Variants in COL9A1 observed in about 807,000 individuals in gnomAD.
The protein encoded by COL9A1 is collagen type IX alpha 1 chain.
COL9A1 carries 104 observed loss-of-function variants against 142.6 expected under a neutral mutation model. The observed-to-expected ratio is 0.73, with a 90% confidence interval of 0.62 to 0.86. The LOEUF is 0.86. COL9A1 is among the 40% of genes least tolerant of loss of function. The pLI is 0.00. For missense variants in COL9A1, 1,210 were observed against 1,176.6 expected (o/e 1.03, Z -0.42); for synonymous variants, 466 against 396.0 (o/e 1.18, Z -2.10).
Position 70,269,736 on chromosome 6 carries a change from G to T in COL9A1, c.1198-71C>A, listed in dbSNP as rs1772269787. The T allele has an allele frequency of 1.2e-5, 11 of 914,474 alleles. 1 individual carries two copies. In the South Asian group the frequency reaches 1.4e-4, roughly 11 times the overall value. 56.6% of individuals were successfully genotyped at this position (914,474 alleles called of 1,614,324 possible). A position where few individuals can be genotyped will look rare whatever the true frequency, so the allele number is the denominator to read the frequency against. ...AATTCAAACATACTAATACTAGAAAGCTCATCAGGCAAAAGTATAAAATAT... is the reference window on the plus strand; with the variant it reads ...AATTCAAACATACTAATACTAGAAATCTCATCAGGCAAAAGTATAAAATAT... On this transcript the variant is annotated intron_variant, in intron 15 of 37. Transcript: ENST00000357250.
intron 36 of COL9A1, among the ~76,000 whole-genome samples, chr6:70,229,174 G>T (rs932316867): frequency 1.3e-5 from 2 of 152,090 alleles, no homozygotes; most frequent in Non-Finnish European, 2.9e-5. Context: ...TTTAAGATGA[G>T]CTCCAAAACA....
In COL9A1 at chr6:70,294,558, A is replaced by G. The variant is rs767821510; in HGVS notation, c.305T>C (p.Leu102Ser). 13 of 1,613,904 alleles carry G rather than the reference A, an allele frequency of 8.1e-6. No individual in the cohort carries two copies. Among genetic ancestry groups the G allele is most frequent in the Non-Finnish European group, 1.0e-5 (12 of 1,179,856 alleles). Residue 102 changes from leucine to serine, a missense_variant, in exon 5 of 38, where the codon TTA becomes TCA. Leu to Ser is a moderately radical substitution (Grantham distance 145). Transcript: ENST00000357250. ...TTCTTCAGGCAGTCCACTGGGATAT[A>G]AATTCCTGAGTAAAATTTTTAAATA... ...NVDFRIPTRN[L>S]YPSGLPEEYS...
At chr6:70,239,361 T>C in intron 32 of COL9A1, 75 bp from the exon 33 acceptor site, 1 of 1,026,664 alleles carries the variant, frequency 9.7e-7, no homozygotes, top group Non-Finnish European at 1.5e-6. Flanking sequence ...CTTTAAAAGT[T>C]ATTGTGCTAC....
intron 25 of COL9A1, among the ~76,000 whole-genome samples, chr6:70,254,179 C>T (rs1771122928): frequency 6.6e-6 from 1 of 152,132 alleles, no homozygotes; most frequent in Non-Finnish European, 1.5e-5. Flanking sequence ...AAATATATCA[C>T]ACTGGCCTAC....
intron 20 of COL9A1, among the ~76,000 whole-genome samples, chr6:70,257,389 C>A (rs536558478): frequency 4.6e-5 from 7 of 152,126 alleles, no homozygotes; most frequent in African/African-American, 1.7e-4. Flanking sequence ...AACACTGCAC[C>A]CATCCTCAGT....
At chr6:70,297,697 G>T (rs190119324) in intron 4 of COL9A1, among the ~76,000 whole-genome samples, 90 of 152,106 alleles carry the variant, frequency 5.9e-4, no homozygotes, top group African/African-American at 2.0e-3. Flanking sequence ...GAATCATAAG[G>T]GTTTGAATGA....
chr6:70,264,796 A>T (rs557731632), intron 18 of COL9A1, among the ~76,000 whole-genome samples: 31 of 152,234 alleles, frequency 2.0e-4, no homozygotes, highest in African/African-American at 7.2e-4. Context: ...ATGATGTTAC[A>T]AATACCACAA....
At chr6:70,300,006 G>T in intron 4 of COL9A1, 37 bp downstream of exon 4, 1 of 1,588,544 alleles carries the variant, frequency 6.3e-7, no homozygotes, top group Non-Finnish European at 8.6e-7. Flanking sequence ...ATGCATTTGA[G>T]TCAGATAATT....
At chr6:70,287,564 A>G (rs1773504828) in intron 5 of COL9A1, among the ~76,000 whole-genome samples, 2 of 152,184 alleles carry the variant, frequency 1.3e-5, no homozygotes, top group South Asian at 2.1e-4. Context: ...ATACCACTTC[A>G]GCTGCCATCC....
rs183022610 is a variant in COL9A1 at position 70,281,250 on chromosome 6, G to C, written c.876+140C>G. ...CTACCCCCAACTCTCGCCCATGTCTGATCCTGCCTTTAAGTGGGGTGGCAG... is the reference window on the plus strand; with the variant it reads ...CTACCCCCAACTCTCGCCCATGTCTCATCCTGCCTTTAAGTGGGGTGGCAG... On this transcript the variant is annotated intron_variant, in intron 8 of 37. Coordinates refer to ENST00000357250, the MANE Select transcript of COL9A1 (RefSeq NM_001851.6). The C allele has an allele frequency of 3.8e-5, 34 of 886,626 alleles. 1 individual carries two copies. In the Admixed American group the frequency reaches 9.1e-4, roughly 24 times the overall value. 54.9% of individuals were successfully genotyped at this position (886,626 alleles called of 1,614,324 possible). A position where few individuals can be genotyped will look rare whatever the true frequency, so the allele number is the denominator to read the frequency against.
intron 20 of COL9A1, among the ~76,000 whole-genome samples, chr6:70,257,048 A>ATTTTTTTTTTTTT (rs542296705): frequency 9.5e-6 from 1 of 105,018 alleles, no homozygotes; most frequent in African/African-American, 3.9e-5. Context: ...CCACTCTGTA[A>ATTTTTTTTTTTTT]TTTTTTTTTT....
rs372124742 is a variant in COL9A1 at position 70,254,992 on chromosome 6, C to T, written c.1636G>A (p.Asp546Asn). 1.2e-5 allele frequency: 19 copies of T among 1,614,180 alleles called. No individual in the cohort carries two copies. Among genetic ancestry groups the T allele is most frequent in the Middle Eastern group, 3.3e-4 (2 of 6,062 alleles). ...DTGLPGVDGRDGIPGMPGTKG... is the reference protein window; with the variant it reads ...DTGLPGVDGRNGIPGMPGTKG... The stretch of plus-strand genomic sequence containing the variant: ...GTTCCAGGCATTCCAGGGATCCCAT[C>T]ACGGCCATCCACACCTGGCAAACCC... Residue 546 changes from aspartate (D) to asparagine (N), a missense_variant, in exon 24 of 38, where the codon GAT becomes AAT. By Grantham distance (23) the Asp-to-Asn change is conservative. Coordinates refer to ENST00000357250, the MANE Select transcript of COL9A1 (RefSeq NM_001851.6).
chr6:70,227,681 T>A (rs1024474057), intron 36 of COL9A1, among the ~76,000 whole-genome samples: 1 of 152,086 alleles, frequency 6.6e-6, no homozygotes, highest in Non-Finnish European at 1.5e-5. Context: ...AATACAAAAA[T>A]GAAATATGTA....
At chr6:70,294,017 A>T in intron 5 of COL9A1, 150 bp downstream of exon 5, 1 of 1,083,462 alleles carries the variant, frequency 9.2e-7, no homozygotes, top group South Asian at 1.3e-5. Flanking sequence ...TAAGCTCCTC[A>T]AGACCAGAAG....
At chr6:70,253,320 CA>C in intron 26 of COL9A1, 64 bp downstream of exon 26, 3 of 1,094,072 alleles carry the variant, frequency 2.7e-6, no homozygotes, top group Non-Finnish European at 4.1e-6. Context: ...TTAAAAATTA[CA>C]AATACGTTAG....
chr6:70,240,622 A>G, intron 32 of COL9A1, 67 bp downstream of exon 32: 1 of 1,043,676 alleles, frequency 9.6e-7, no homozygotes, highest in African/African-American at 1.6e-5. Flanking sequence ...TTAGAAGTAT[A>G]TATATATACT....
At chr6:70,294,724 C>G (rs1773789981) in intron 4 of COL9A1, among the ~76,000 whole-genome samples, 161 bp from the exon 5 acceptor site, 1 of 152,110 alleles carries the variant, frequency 6.6e-6, no homozygotes, top group South Asian at 2.1e-4. Context: ...TCATAAAGAC[C>G]TTTACAGAAG....
intron 4 of COL9A1, 29 bp from the exon 5 acceptor site, chr6:70,294,592 G>T (rs758430385): frequency 1.1e-5 from 17 of 1,608,332 alleles, no homozygotes; most frequent in South Asian, 3.3e-5. Flanking sequence ...TAGTAAACAT[G>T]CATCTTGTTT....
rs78944678 is a variant in COL9A1 at position 70,272,306 on chromosome 6, T to A, written c.1066-218A>T. Among the ~76,000 whole-genome samples, 3,596 of 148,076 alleles carry A rather than the reference T, an allele frequency of 0.024. 127 individuals carry two copies. Among genetic ancestry groups the A allele is most frequent in the African/African-American group, 0.072 (2,897 of 40,032 alleles). Reference sequence around the variant, plus strand: ...TCTAACATTCCTTTGCTGTCTATGCTAACTGGGATTTTTCCAAACTTTTTT... The same window carrying A: ...TCTAACATTCCTTTGCTGTCTATGCAAACTGGGATTTTTCCAAACTTTTTT... On this transcript the variant is annotated intron_variant, in intron 12 of 37. Coordinates refer to ENST00000357250, the MANE Select transcript of COL9A1 (RefSeq NM_001851.6).
Sources: allele counts gnomAD v4.1 joint callset (sites outside exome capture counted in the v4.1 genomes callset), GRCh38; gene constraint gnomAD v4.1.1; transcripts MANE v1.5; gene names NCBI Gene and HGNC (gene_info 2026-07-23, HGNC 2026-07-21).